Variants in CDK14 observed in about 807,000 individuals in gnomAD.
CDK14 encodes the protein cyclin-dependent kinase 14.
In CDK14, 34 loss-of-function variants were observed where a neutral mutation model predicts 60.7. The observed-to-expected ratio is 0.56, with a 90% CI of 0.43 to 0.75. The LOEUF is 0.75. Ranked by LOEUF, CDK14 falls within the 30% of genes least tolerant of loss-of-function variation. CDK14 has a pLI of 0.00. For missense variants in CDK14, 482 were observed against 564.1 expected, an observed-to-expected ratio of 0.85 and a Z score of 1.47; for synonymous variants, 197 against 203.7, an observed-to-expected ratio of 0.97 and a Z score of 0.28.
intron 4 of CDK14, among the ~76,000 whole-genome samples, chr7:90,782,470 T>TAAA (rs888683070): frequency 5.3e-5 from 8 of 152,322 alleles, no homozygotes; most frequent in Admixed American, 1.3e-4. Context: ...TTTATATCTT[T>TAAA]AAATTGCAGG....
At chr7:91,173,789 C>A (rs540584153) in intron 14 of CDK14, among the ~76,000 whole-genome samples, 31 of 152,224 alleles carry the variant, frequency 2.0e-4, no homozygotes, top group South Asian at 4.1e-4. Context: ...TATCCCGCAC[C>A]TGGCTCGGAG....
chr7:91,178,755 T>G (rs1089819), intron 14 of CDK14, among the ~76,000 whole-genome samples: 68,728 of 148,084 alleles, frequency 0.46, 17,701 homozygotes, highest in Non-Finnish European at 0.57. Context: ...AAACCACTAT[T>G]AGATACCATC....
chr7:90,775,282 CAGA>C (rs1301578606), intron 4 of CDK14, among the ~76,000 whole-genome samples: 4 of 152,094 alleles, frequency 2.6e-5, no homozygotes, highest in Non-Finnish European at 5.9e-5. Context: ...GCTTTTAAAA[CAGA>C]AGATTAGGAA....
chr7:91,083,237 A>T (rs1798531894), intron 12 of CDK14, among the ~76,000 whole-genome samples: 1 of 152,054 alleles, frequency 6.6e-6, no homozygotes, highest in Non-Finnish European at 1.5e-5. Flanking sequence ...TCACTATTAA[A>T]TGTTTGAGGG....
intron 1 of CDK14, chr7:90,597,110 T>C (rs577847503): frequency 5.3e-6 from 1 of 189,198 alleles, no homozygotes; most frequent in South Asian, 1.1e-4. Flanking sequence ...GTTTAGTCAG[T>C]AATTTAGCTT....
chr7:91,026,159 T>G (rs1229642634), intron 10 of CDK14, among the ~76,000 whole-genome samples: 1 of 152,038 alleles, frequency 6.6e-6, no homozygotes, highest in Non-Finnish European at 1.5e-5. Flanking sequence ...AATAGAGGCA[T>G]AGTGGGGAGA....
intron 9 of CDK14, among the ~76,000 whole-genome samples, chr7:90,982,567 G>C (rs186694971): frequency 6.6e-6 from 1 of 152,124 alleles, no homozygotes; most frequent in Admixed American, 6.5e-5. Context: ...GAGAACCACT[G>C]AATGTCTAGA....
At chr7:91,143,867 A>G (rs954060079) in intron 14 of CDK14, among the ~76,000 whole-genome samples, 8 of 152,288 alleles carry the variant, frequency 5.3e-5, no homozygotes, top group Middle Eastern at 3.4e-3. Context: ...TGCAGAGGAG[A>G]CTGAGACCTG....
chr7:90,649,248 C>CTTTGTTTCTTTGTTTCTTTG (rs1800537333), intron 2 of CDK14, among the ~76,000 whole-genome samples: 14 of 25,180 alleles, frequency 5.6e-4, no homozygotes, highest in East Asian at 3.2e-3. Flanking sequence ...TTCTTTCTTT[C>CTTTGTTTCTTTGTTTCTTTG]TTTCTTTCTT....
intron 4 of CDK14, among the ~76,000 whole-genome samples, chr7:90,764,148 G>A (rs1287779529): frequency 6.6e-6 from 1 of 152,136 alleles, no homozygotes; most frequent in Non-Finnish European, 1.5e-5. Context: ...AATCTGTAAT[G>A]CAGATTTGTG....
intron 14 of CDK14, among the ~76,000 whole-genome samples, chr7:91,180,038 T>C (rs1276059058): frequency 1.3e-5 from 2 of 152,076 alleles, no homozygotes; most frequent in Admixed American, 6.5e-5. Context: ...AAAGAACATA[T>C]TACATTAGAA....
intron 10 of CDK14, among the ~76,000 whole-genome samples, chr7:90,989,535 T>G (rs1297174730): frequency 2.0e-5 from 3 of 152,122 alleles, no homozygotes; most frequent in African/African-American, 7.2e-5. Flanking sequence ...GGTGTCAGCC[T>G]GTAGTAATGA....
At chr7:91,105,212 C>T (rs1195302411) in intron 12 of CDK14, among the ~76,000 whole-genome samples, 2 of 152,174 alleles carry the variant, frequency 1.3e-5, no homozygotes, top group Non-Finnish European at 2.9e-5. Flanking sequence ...AAGTTGTTCT[C>T]TAAAATAGAA....
At chr7:90,692,941 A>T (rs549496620) in intron 2 of CDK14, among the ~76,000 whole-genome samples, 9 of 152,182 alleles carry the variant, frequency 5.9e-5, no homozygotes, top group Admixed American at 5.9e-4. Context: ...TCAAGTAAAA[A>T]AAAAAAAAAT....
chr7:90,882,409 G>C (rs983434763), intron 6 of CDK14, among the ~76,000 whole-genome samples: 1 of 152,114 alleles, frequency 6.6e-6, no homozygotes, highest in Non-Finnish European at 1.5e-5. Flanking sequence ...TTCTAAATAT[G>C]TATGTACCCA....
intron 10 of CDK14, among the ~76,000 whole-genome samples, chr7:91,033,340 T>G (rs1040952148): frequency 1.3e-5 from 2 of 152,206 alleles, no homozygotes; most frequent in African/African-American, 2.4e-5. Flanking sequence ...CCTCAACCCT[T>G]CCTTTACAAA....
Position 90,750,009 on chromosome 7 carries a change from C to T in CDK14, c.464+2234C>T, listed in dbSNP as rs531150787. 2.6e-5 allele frequency among the ~76,000 whole-genome samples: 4 copies of T among 152,292 alleles called. No homozygotes were observed. The East Asian group carries it at 7.7e-4, about 29-fold the overall frequency. The stretch of plus-strand genomic sequence containing the variant: ...GGTTCTTACTGATAAGTGCCATCTA[C>T]TGGCTGTAGGTCAAACCAAACAGCC... On this transcript the variant is annotated intron_variant, in intron 4 of 14. Coordinates refer to ENST00000380050, the MANE Select transcript of CDK14 (RefSeq NM_001287135.2).
intron 12 of CDK14, among the ~76,000 whole-genome samples, chr7:91,084,244 C>T (rs1017740277): frequency 2.6e-5 from 4 of 152,306 alleles, no homozygotes; most frequent in South Asian, 4.1e-4. Flanking sequence ...ATTTTGTTCT[C>T]GCCGCAGCCA....
At chr7:91,183,032 T>A (rs1802051035) in intron 14 of CDK14, among the ~76,000 whole-genome samples, 1 of 152,250 alleles carries the variant, frequency 6.6e-6, no homozygotes, top group South Asian at 2.1e-4. Flanking sequence ...AAACTTCTAA[T>A]GTTTAGTTCA....
Sources: gnomAD v4.1 joint callset for allele counts (sites outside exome capture counted in the v4.1 genomes callset) on GRCh38, gnomAD v4.1.1 for gene constraint, MANE v1.5 for transcripts, NCBI Gene and HGNC (gene_info 2026-07-23, HGNC 2026-07-21) for gene names.